The following NELFB variants were observed in gnomAD, a reference collection of about 807,000 sequenced individuals.
The protein encoded by NELFB is negative elongation factor B.
In NELFB, 34 loss-of-function variants were observed where a neutral mutation model predicts 60.2. The observed-to-expected ratio is 0.56, with a 90% CI of 0.43 to 0.75. The LOEUF is 0.75. Ranked by LOEUF, NELFB falls within the 30% of genes least tolerant of loss-of-function variation. NELFB has a pLI of 0.00. For synonymous variants in NELFB, 459 were observed against 382.1 expected, an observed-to-expected ratio of 1.20 and a Z score of -2.35; for missense variants, 770 against 831.6, an observed-to-expected ratio of 0.93 and a Z score of 0.91.
intron 10 of NELFB, among the ~76,000 whole-genome samples, 190 bp from the exon 11 acceptor site, chr9:137,271,891 C>T (rs1830588193): frequency 6.6e-6 from 1 of 151,454 alleles, no homozygotes; most frequent in Non-Finnish European, 1.5e-5. Context: ...CAGGTCCCAC[C>T]CCCTGCCTGC....
intron 10 of NELFB, among the ~76,000 whole-genome samples, chr9:137,268,480 G>A (rs1019632586): frequency 1.3e-5 from 2 of 152,194 alleles, no homozygotes; most frequent in East Asian, 1.9e-4. Flanking sequence ...CAGCTACTTG[G>A]GAGGCTGAAG....
Position 137,256,315 on chromosome 9 carries a change from G to T in NELFB, c.411-14G>T. On this transcript the variant is annotated splice_polypyrimidine_tract_variant and intron_variant, in intron 2 of 12. Coordinates refer to ENST00000343053, the MANE Select transcript of NELFB (RefSeq NM_015456.5). Reference sequence around the variant, plus strand: ...GGCGCATCGCTGCACCATCAATCCTGTGAGTTGTTCCAGGTACAAGAAGCT... The same window carrying T: ...GGCGCATCGCTGCACCATCAATCCTTTGAGTTGTTCCAGGTACAAGAAGCT... The T allele has an allele frequency of 6.2e-7, 1 of 1,611,944 alleles. No homozygotes were observed. Among genetic ancestry groups the T allele is most frequent in the Non-Finnish European group, 8.5e-7 (1 of 1,178,272 alleles).
chr9:137,256,553 C>A, intron 3 of NELFB, 125 bp downstream of exon 3: 1 of 855,974 alleles, frequency 1.2e-6, no homozygotes, highest in Non-Finnish European at 1.9e-6. Flanking sequence ...AAGTGCTGTC[C>A]ATGGTGAGCT....
chr9:137,255,808 C>T, intron 1 of NELFB, 99 bp from the exon 2 acceptor site: 5 of 1,548,450 alleles, frequency 3.2e-6, no homozygotes, highest in Non-Finnish European at 3.5e-6. Context: ...ACCGCCAGCA[C>T]GGCTGGGAAC....
At chr9:137,266,011 G>C (rs938408354) in intron 7 of NELFB, 32 bp downstream of exon 7, 1 of 1,511,690 alleles carries the variant, frequency 6.6e-7, no homozygotes, top group Non-Finnish European at 9.2e-7. Context: ...AGCTGTCGGG[G>C]CCATGCGGCC....
chr9:137,255,960 C>G lies in NELFB; in HGVS notation c.300C>G (p.Asp100Glu). The G allele has an allele frequency of 8.1e-6, 13 of 1,614,040 alleles. No individual in the cohort carries two copies. Among genetic ancestry groups the G allele is most frequent in the Non-Finnish European group, 1.0e-5 (12 of 1,180,024 alleles). The change falls in exon 2 of 13, where the codon GAC (aspartate) becomes GAG (glutamate). Residue 100 changes from aspartate to glutamate, a missense_variant. Transcript: ENST00000343053. ...TTCAGTCAGCCCTCCCCTTCTTGGA[C>G]CTGCACGGGACGCCGCGGCTGGAGT...
At position 137,264,198 on chromosome 9, in the gene NELFB, C is replaced by A. The variant is rs9695897; in HGVS notation, c.928-47C>A. ...TGTGTTTGGGGCCTGGGTCTCTGGT[C>A]ATCCTGGGAGGTTTGGGCTGGTCCC... is the stretch of plus-strand genomic sequence containing the variant. On this transcript the variant is annotated intron_variant, in intron 5 of 12. Coordinates refer to ENST00000343053, the MANE Select transcript of NELFB (RefSeq NM_015456.5). 4 of 1,444,176 alleles carry A rather than the reference C, an allele frequency of 2.8e-6. No homozygotes were observed. The African/African-American group carries it at 5.6e-5, about 20-fold the overall frequency. The allele number at this position is 1,444,176 out of a possible 1,614,324, so 89.5% of individuals were successfully genotyped here. A position where few individuals can be genotyped will look rare whatever the true frequency, so the allele number is the denominator to read the frequency against.
chr9:137,267,576 T>G (rs1830537106), intron 10 of NELFB, among the ~76,000 whole-genome samples: 1 of 148,378 alleles, frequency 6.7e-6, no homozygotes, highest in Non-Finnish European at 1.5e-5. Context: ...CACTGCAGCC[T>G]CTGCCTCCTA....
intron 4 of NELFB, among the ~76,000 whole-genome samples, chr9:137,261,311 G>A (rs2118978409): frequency 6.9e-6 from 1 of 145,470 alleles, no homozygotes; most frequent in African/African-American, 2.6e-5. Flanking sequence ...CTGCACTCCA[G>A]CCTGGGTAAC....
chr9:137,263,065 GGAA>G lies in NELFB; in HGVS notation c.774_776del (p.Lys258del). The G allele has an allele frequency of 6.2e-7, 1 of 1,613,550 alleles. No individual in the cohort carries two copies. Among genetic ancestry groups the G allele is most frequent in the Admixed American group, 1.7e-5 (1 of 60,016 alleles). On this transcript the variant is annotated inframe_deletion, in exon 5 of 13. Coordinates refer to ENST00000343053, the MANE Select transcript of NELFB (RefSeq NM_015456.5). ...GTGCAGCGGCTGACGCGGATGGTGGGGAAGAACGTGAAGCTGTACGACATGGTG... is the reference window on the plus strand; with the variant it reads ...GTGCAGCGGCTGACGCGGATGGTGGGGAACGTGAAGCTGTACGACATGGTG...
intron 8 of NELFB, among the ~76,000 whole-genome samples, 189 bp from the exon 9 acceptor site, chr9:137,266,755 G>T (rs1405357312): frequency 1.3e-5 from 2 of 152,122 alleles, no homozygotes; most frequent in Non-Finnish European, 1.5e-5. Context: ...GACCTAGAAG[G>T]GGGTTTGAGG....
At chr9:137,267,176 CGGTGTGGG>C in intron 9 of NELFB, 56 bp from the exon 10 acceptor site, 1 of 1,607,208 alleles carries the variant, frequency 6.2e-7, no homozygotes, top group Admixed American at 1.7e-5. Context: ...GGGCAGGGGT[CGGTGTGGG>C]GCTGAGGTGG....
intron 10 of NELFB, 115 bp downstream of exon 10, chr9:137,267,461 A>T: frequency 5.9e-6 from 4 of 678,262 alleles, no homozygotes; most frequent in East Asian, 3.1e-5. Flanking sequence ...TCCCCAGCCC[A>T]CCTCCAACTT....
At chr9:137,260,779 G>A (rs28750498) in intron 4 of NELFB, among the ~76,000 whole-genome samples, 1 of 152,064 alleles carries the variant, frequency 6.6e-6, no homozygotes, top group Non-Finnish European at 1.5e-5. Flanking sequence ...AGCTAAATTA[G>A]GCCGGGTGCG....
chr9:137,256,677 T>C lies in NELFB; in HGVS notation c.511-147T>C, dbSNP rs1588883804. The C allele has an allele frequency of 5.2e-6, 4 of 774,422 alleles. No homozygotes were observed. In the East Asian group the frequency reaches 8.1e-5, roughly 16 times the overall value. The allele number at this position is 774,422 out of a possible 1,614,324, so 48.0% of individuals were successfully genotyped here. On this transcript the variant is annotated intron_variant, in intron 3 of 12. Transcript: ENST00000343053. ...TGGTATTTAGCATGTCTGTCTGACA[T>C]GCTGGGGCCGGGGAACCAGTCATAG...
Position 137,266,975 on chromosome 9 carries a change from T to C in NELFB, c.1271T>C (p.Met424Thr). 1 of 1,613,926 alleles carries C rather than the reference T, an allele frequency of 6.2e-7. No individual in the cohort carries two copies. Among genetic ancestry groups the C allele is most frequent in the Non-Finnish European group, 8.5e-7 (1 of 1,180,000 alleles). Residue 424 changes from methionine to threonine, a missense_variant, in exon 9 of 13, where the codon ATG (methionine) becomes ACG (threonine). Coordinates refer to ENST00000343053, the MANE Select transcript of NELFB (RefSeq NM_015456.5). ...GAGCTCATCACCAGGTTCCTCCCGA[T>C]GCTCATGTCCTTCCTGGTGGATGAC...
intron 4 of NELFB, among the ~76,000 whole-genome samples, chr9:137,258,118 GTTTTTTT>G (rs56338605): frequency 2.4e-5 from 2 of 84,454 alleles, no homozygotes. Context: ...ATTTGTTGGG[GTTTTTTT>G]TTTTTTTTTT....
chr9:137,256,769 G>A (rs563069755), intron 3 of NELFB, 55 bp from the exon 4 acceptor site: 3 of 1,567,812 alleles, frequency 1.9e-6, no homozygotes, highest in South Asian at 2.3e-5. Context: ...GGCTTGTCTT[G>A]AAGGAGACCC....
intron 4 of NELFB, among the ~76,000 whole-genome samples, chr9:137,262,271 T>G (rs927002505): frequency 2.6e-5 from 4 of 152,202 alleles, no homozygotes; most frequent in Admixed American, 6.5e-5. Context: ...TCCCTTTCCC[T>G]GTCTGCTAAG....
Sources: allele counts gnomAD v4.1 joint callset (sites outside exome capture counted in the v4.1 genomes callset), GRCh38; gene constraint gnomAD v4.1.1; transcripts MANE v1.5; gene names NCBI Gene and HGNC (gene_info 2026-07-23, HGNC 2026-07-21).